The following KIF9 variants were observed in gnomAD, a reference collection of about 807,000 sequenced individuals.
KIF9 encodes the protein kinesin-like protein KIF9.
KIF9 carries 68 observed loss-of-function variants against 94.8 expected under a neutral mutation model. That is an observed-to-expected ratio of 0.72 (90% CI 0.59 to 0.88). KIF9 has a LOEUF of 0.88. Among genes scored for constraint, KIF9 ranks in the 40% least tolerant of loss-of-function variants. The pLI is 0.00. For synonymous variants in KIF9, 343 were observed against 362.1 expected, an observed-to-expected ratio of 0.95 and a Z score of 0.60; for missense variants, 882 against 982.5, an observed-to-expected ratio of 0.90 and a Z score of 1.37.
At chr3:47,257,148 A>T (rs533430201) in intron 10 of KIF9, among the ~76,000 whole-genome samples, 11 of 152,202 alleles carry the variant, frequency 7.2e-5, no homozygotes, top group African/African-American at 1.7e-4. Context: ...ATAAAAAAAT[A>T]AATTAATTAA....
chr3:47,241,861 T>TATATATATAC (rs199589606), intron 16 of KIF9, among the ~76,000 whole-genome samples: 1 of 120,126 alleles, frequency 8.3e-6, no homozygotes, highest in Non-Finnish European at 1.6e-5. Context: ...TATATATATA[T>TATATATATAC]ACACATATAT....
intron 2 of KIF9, among the ~76,000 whole-genome samples, chr3:47,276,704 C>A (rs1701997030): frequency 6.6e-6 from 1 of 152,130 alleles, no homozygotes; most frequent in Non-Finnish European, 1.5e-5. Flanking sequence ...ACCGCTAGGA[C>A]CTGCGAGGCT....
intron 20 of KIF9, among the ~76,000 whole-genome samples, chr3:47,234,563 CT>C (rs954442179): frequency 3.0e-5 from 4 of 132,286 alleles, no homozygotes; most frequent in African/African-American, 1.2e-4. Flanking sequence ...TTTTTTTTTT[CT>C]TTTTTTTTGA....
chr3:47,253,479 G>A (rs905191184), intron 10 of KIF9, among the ~76,000 whole-genome samples: 1 of 151,104 alleles, frequency 6.6e-6, no homozygotes, highest in Non-Finnish European at 1.5e-5. Flanking sequence ...TTTTTAAGAA[G>A]TAAAACATTT....
intron 18 of KIF9, 142 bp from the exon 19 acceptor site, chr3:47,236,291 T>G: frequency 9.7e-7 from 1 of 1,027,488 alleles, no homozygotes; most frequent in Non-Finnish European, 1.5e-6. Context: ...TCTCTGGCCC[T>G]CACAGTCCTG....
At chr3:47,250,678 T>C (rs1700218255) in intron 10 of KIF9, 1 of 349,108 alleles carries the variant, frequency 2.9e-6, no homozygotes. Flanking sequence ...TTATACTCGA[T>C]ATACCATCTG....
chr3:47,258,164 G>A (rs754567073), intron 9 of KIF9, among the ~76,000 whole-genome samples: 1 of 152,184 alleles, frequency 6.6e-6, no homozygotes, highest in African/African-American at 2.4e-5. Context: ...AAAGAAGCAG[G>A]TAAAAATAAT....
At chr3:47,240,454 G>A (rs945662118) in intron 17 of KIF9, among the ~76,000 whole-genome samples, 1 of 152,074 alleles carries the variant, frequency 6.6e-6, no homozygotes, top group Non-Finnish European at 1.5e-5. Context: ...AGAGACCCAC[G>A]GACCTTGTAG....
At chr3:47,256,691 G>A (rs1700634033) in intron 10 of KIF9, among the ~76,000 whole-genome samples, 1 of 152,260 alleles carries the variant, frequency 6.6e-6, no homozygotes, top group South Asian at 2.1e-4. Context: ...GCAGTTTTGT[G>A]GAGTAGAAAG....
intron 17 of KIF9, among the ~76,000 whole-genome samples, chr3:47,239,303 T>C (rs912401829): frequency 6.6e-6 from 1 of 152,250 alleles, no homozygotes; most frequent in Admixed American, 6.5e-5. Context: ...ACCATGCGTA[T>C]ATTTTATCTT....
At chr3:47,261,197 C>T (rs1700949486) in intron 9 of KIF9, among the ~76,000 whole-genome samples, 1 of 152,100 alleles carries the variant, frequency 6.6e-6, no homozygotes, top group South Asian at 2.1e-4. Flanking sequence ...TGTCTTTGGC[C>T]CATTGCTTGT....
Position 47,228,375 on chromosome 3 carries a change from C to CA in KIF9, c.*276dup. On this transcript the variant is annotated 3_prime_UTR_variant, in exon 21 of 21. Transcript: ENST00000684063. ...ATGTCCTTTCAGACAGGAAATAAGA[C>CA]AAAGTTCTCAGATGAGCACTGAAAG... 1 of 413,456 alleles carries CA rather than the reference C, an allele frequency of 2.4e-6. No homozygotes were observed. Among genetic ancestry groups the CA allele is most frequent in the Non-Finnish European group, 4.4e-6 (1 of 225,734 alleles). 25.6% of individuals were successfully genotyped at this position (413,456 alleles called of 1,614,324 possible). A position where few individuals can be genotyped will look rare whatever the true frequency, so the allele number is the denominator to read the frequency against.
intron 10 of KIF9, among the ~76,000 whole-genome samples, chr3:47,249,177 G>A (rs981853769): frequency 7.1e-5 from 10 of 141,278 alleles, no homozygotes; most frequent in Non-Finnish European, 1.2e-4. Context: ...ATGGGGTCTC[G>A]CTCTGTCGCC....
At position 47,264,186 on chromosome 3, in the gene KIF9, C is replaced by CTA; in HGVS notation, c.981+98_981+99dup. 4.5e-6 allele frequency: 4 copies of CTA among 887,758 alleles called. No individual in the cohort carries two copies. The East Asian group carries it at 9.9e-5, about 22-fold the overall frequency. 55.0% of individuals were successfully genotyped at this position (887,758 alleles called of 1,614,324 possible). The stretch of plus-strand genomic sequence containing the variant: ...TGGATCCTTCCACTCTTGACAATGT[C>CTA]TATGGCCACTGTGCCAGGGTAGCCA... On this transcript the variant is annotated intron_variant, in intron 9 of 20. Coordinates refer to ENST00000684063, the MANE Select transcript of KIF9 (RefSeq NM_182902.4).
intron 20 of KIF9, among the ~76,000 whole-genome samples, chr3:47,231,534 C>T (rs1195619081): frequency 1.3e-5 from 2 of 151,484 alleles, no homozygotes; most frequent in African/African-American, 4.9e-5. Flanking sequence ...CCTCAGCCTC[C>T]CAAGTAGCTG....
intron 17 of KIF9, chr3:47,239,554 A>G: frequency 9.1e-7 from 1 of 1,093,520 alleles, no homozygotes; most frequent in Middle Eastern, 4.4e-4. Context: ...AGAATTAGAA[A>G]ATAAAGTTGC....
chr3:47,240,728 A>C, intron 17 of KIF9, 73 bp downstream of exon 17: 1 of 1,301,344 alleles, frequency 7.7e-7, no homozygotes, highest in Admixed American at 1.7e-5. Context: ...CTCTAGTGCC[A>C]AGGGCTGTTC....
Position 47,245,466 on chromosome 3 carries a change from G to C in KIF9, c.1335C>G (p.Thr445=). The change falls in exon 14 of 21, where the codon ACC becomes ACG. Residue 445 remains threonine, a synonymous_variant. Coordinates refer to ENST00000684063, the MANE Select transcript of KIF9 (RefSeq NM_182902.4). Reference sequence around the variant, plus strand: ...CTGCAAAGTCATTCCTGTCAATGAGGGTGTACTTCCTGCGCAAAGTGGACT... The same window carrying C: ...CTGCAAAGTCATTCCTGTCAATGAGCGTGTACTTCCTGCGCAAAGTGGACT... The part of the protein sequence containing the change: ...EVESTLRRKY[T]LIDRNDFAAI... 6.2e-7 allele frequency: 1 copy of C among 1,614,006 alleles called. No homozygotes were observed. Among genetic ancestry groups the C allele is most frequent in the East Asian group, 2.2e-5 (1 of 44,880 alleles).
intron 12 of KIF9, 156 bp from the exon 13 acceptor site, chr3:47,246,408 A>G: frequency 2.2e-6 from 1 of 452,546 alleles, no homozygotes; most frequent in Non-Finnish European, 3.9e-6. Context: ...GCGAAGTGGC[A>G]GCCAAGCCCT....
Sources: allele counts gnomAD v4.1 joint callset (sites outside exome capture counted in the v4.1 genomes callset), GRCh38; gene constraint gnomAD v4.1.1; transcripts MANE v1.5; gene names NCBI Gene and HGNC (gene_info 2026-07-23, HGNC 2026-07-21).